The following KIT variants were observed in gnomAD, a reference collection of about 807,000 sequenced individuals.
The protein encoded by KIT is mast/stem cell growth factor receptor Kit.
In KIT, 16 loss-of-function variants were observed where a neutral mutation model predicts 105.7. That is an observed-to-expected ratio of 0.15 (90% CI 0.10 to 0.23). The LOEUF (loss-of-function observed/expected upper bound fraction) is 0.23, where lower values mean the gene tolerates loss of function less well. Ranked by LOEUF, KIT falls within the 10% of genes least tolerant of loss-of-function variation. The pLI is 1.00. For synonymous variants in KIT, 438 were observed against 441.1 expected, an observed-to-expected ratio of 0.99 and a Z score of 0.09; for missense variants, 858 against 1,213.8, an observed-to-expected ratio of 0.71 and a Z score of 4.36.
chr4:54,715,700 C>A (rs557578631), intron 7 of KIT, among the ~76,000 whole-genome samples: 1 of 152,150 alleles, frequency 6.6e-6, no homozygotes, highest in Non-Finnish European at 1.5e-5. Flanking sequence ...GGCCCCACCT[C>A]CAGTATTCAG....
chr4:54,725,839 T>C lies in KIT; in HGVS notation c.1347-18T>C, dbSNP rs2109767762. The stretch of plus-strand genomic sequence containing the variant: ...ATTTTCCTAGAGTAAGCCAGGGCTT[T>C]TGTTTTCTTCCCTTTAGATGCTCTG... On this transcript the variant is annotated intron_variant, in intron 8 of 20. Coordinates refer to ENST00000288135, the MANE Select transcript of KIT (RefSeq NM_000222.3). 1 of 1,612,442 alleles carries C rather than the reference T, an allele frequency of 6.2e-7. No individual in the cohort carries two copies.
chr4:54,727,701 A>G (rs1283992390), intron 11 of KIT, 122 bp from the exon 12 acceptor site: 1 of 1,272,942 alleles, frequency 7.9e-7, no homozygotes, highest in Non-Finnish European at 1.1e-6. Context: ...AGAACATCGT[A>G]GGAAAATGTC....
rs759119367 is a variant in KIT, at chr4:54,703,869, T to C, written c.902T>C (p.Val301Ala). ...YANNTFGSAN[V>A]TTTLEVVDKG... ...AATAATACTTTTGGATCAGCAAATG[T>C]CACAACAACCTTGGAAGTAGTAGGT... is the stretch of plus-strand genomic sequence containing the variant. Residue 301 changes from valine to alanine, a missense_variant, in exon 5 of 21, where the codon GTC (valine) becomes GCC (alanine). By Grantham distance (64) the Val-to-Ala change is moderately conservative (BLOSUM62 0). Around this residue, in one of 7 missense-constraint regions of KIT, gnomAD observed 401 missense variants for 601.0 expected, o/e 0.67. Transcript: ENST00000288135. 1.2e-6 allele frequency: 2 copies of C among 1,613,834 alleles called. No individual in the cohort carries two copies. Among genetic ancestry groups the C allele is most frequent in the Non-Finnish European group, 1.7e-6 (2 of 1,179,726 alleles).
chr4:54,714,156 A>C (rs549694918), intron 7 of KIT, among the ~76,000 whole-genome samples: 38 of 152,228 alleles, frequency 2.5e-4, no homozygotes, highest in Non-Finnish European at 4.6e-4. Flanking sequence ...TTCAGCGAAA[A>C]TGGTGATTTG....
rs749914029 is a variant in KIT, at chr4:54,725,918, G to A, written c.1408G>A (p.Gly470Arg). Residue 470 changes from glycine to arginine, a missense_variant, in exon 9 of 21, where the codon GGA (glycine) becomes AGA (arginine). Physicochemically the swap from Gly to Arg is moderately radical, Grantham distance 125. Coordinates refer to ENST00000288135, the MANE Select transcript of KIT (RefSeq NM_000222.3). ...QTLNSSGPPF[G>R]KLVVQSSIDS... is the part of the protein sequence containing the mutation. ...ACTAAACTCATCTGGGCCACCGTTT[G>A]GAAAGCTAGTGGTTCAGAGTTCTAT... 1.9e-6 allele frequency: 3 copies of A among 1,614,022 alleles called. No individual in the cohort carries two copies. Among genetic ancestry groups the A allele is most frequent in the African/African-American group, 2.7e-5 (2 of 74,912 alleles).
chr4:54,709,041 A>C (rs879552152), intron 6 of KIT, among the ~76,000 whole-genome samples: 1 of 149,146 alleles, frequency 6.7e-6, no homozygotes, highest in Non-Finnish European at 1.5e-5. Flanking sequence ...CATGCAGGGC[A>C]GGTGAGTTCA....
At chr4:54,697,623 G>T (rs1720162097) in intron 2 of KIT, among the ~76,000 whole-genome samples, 1 of 152,142 alleles carries the variant, frequency 6.6e-6, no homozygotes, top group Non-Finnish European at 1.5e-5. Flanking sequence ...AGCTCCCCTT[G>T]TGCATTTGAA....
intron 7 of KIT, among the ~76,000 whole-genome samples, chr4:54,712,281 A>G (rs1416667769): frequency 6.6e-6 from 1 of 152,216 alleles, no homozygotes; most frequent in African/African-American, 2.4e-5. Context: ...TTTAGATTCA[A>G]TAGATATAAC....
rs56372445 is a variant in KIT at position 54,739,777 on chromosome 4, C to T, written c.*1220C>T. 2.9e-3 allele frequency: 668 copies of T among 233,494 alleles called. 6 individuals carry two copies. Among genetic ancestry groups the T allele is most frequent in the African/African-American group, 0.014 (614 of 45,446 alleles). 14.5% of individuals were successfully genotyped at this position (233,494 alleles called of 1,614,324 possible). On this transcript the variant is annotated 3_prime_UTR_variant, in exon 21 of 21. Coordinates refer to ENST00000288135, the MANE Select transcript of KIT (RefSeq NM_000222.3). ...CTTGGCTTTCATTATTAGTACTGCT[C>T]TTGTTTCTTTTCACATAGCTGTCTA... is the stretch of plus-strand genomic sequence containing the variant.
intron 7 of KIT, among the ~76,000 whole-genome samples, chr4:54,711,170 A>G (rs1721138900): frequency 6.6e-6 from 1 of 152,158 alleles, no homozygotes; most frequent in Non-Finnish European, 1.5e-5. Flanking sequence ...AGTGAGCCAC[A>G]ACACTCAACC....
intron 7 of KIT, among the ~76,000 whole-genome samples, chr4:54,714,190 GA>G (rs1382088627): frequency 6.6e-6 from 1 of 152,040 alleles, no homozygotes; most frequent in Non-Finnish European, 1.5e-5. Flanking sequence ...TGAAAATCAG[GA>G]AAAAAGTAGA....
chr4:54,664,976 T>G (rs1294108253), intron 1 of KIT, among the ~76,000 whole-genome samples: 1 of 151,972 alleles, frequency 6.6e-6, no homozygotes, highest in Non-Finnish European at 1.5e-5. Flanking sequence ...TAGTGTTAAG[T>G]ACATTCATAC....
intron 20 of KIT, 92 bp from the exon 21 acceptor site, chr4:54,738,337 A>T (rs2109817037): frequency 6.9e-7 from 1 of 1,452,394 alleles, no homozygotes; most frequent in Non-Finnish European, 9.7e-7. Context: ...AGTTTCCATC[A>T]GTTAGTTGTG....
intron 1 of KIT, among the ~76,000 whole-genome samples, chr4:54,672,134 T>G (rs968430607): frequency 1.4e-4 from 21 of 152,238 alleles, no homozygotes; most frequent in African/African-American, 5.1e-4. Context: ...AATTGGTTGA[T>G]ATGTCCTTTA....
chr4:54,703,688 T>A (rs768605848), intron 4 of KIT, 36 bp from the exon 5 acceptor site: 3 of 1,552,422 alleles, frequency 1.9e-6, no homozygotes, highest in Non-Finnish European at 2.7e-6. Context: ...TATATGGTAA[T>A]CTTCATTTTT....
intron 1 of KIT, among the ~76,000 whole-genome samples, chr4:54,685,166 C>T (rs1378089298): frequency 6.6e-6 from 1 of 152,164 alleles, no homozygotes; most frequent in Non-Finnish European, 1.5e-5. Flanking sequence ...TCCCTGGCCC[C>T]TCTGTTCTTT....
rs1490184109 is a variant in KIT at position 54,658,195 on chromosome 4, C to T, written c.67+114C>T. The stretch of plus-strand genomic sequence containing the variant: ...GAGAGGACTGCGGGCCCTCAGTGCC[C>T]GTGCGTTCCAGCCTCCGGGGAGACT... On this transcript the variant is annotated intron_variant, in intron 1 of 20. Transcript: ENST00000288135. 3.8e-6 allele frequency: 4 copies of T among 1,060,176 alleles called. No individual in the cohort carries two copies. The Admixed American group carries it at 5.6e-5, about 15-fold the overall frequency. 65.7% of individuals were successfully genotyped at this position (1,060,176 alleles called of 1,614,324 possible). A position where few individuals can be genotyped will look rare whatever the true frequency, so the allele number is the denominator to read the frequency against.
intron 1 of KIT, among the ~76,000 whole-genome samples, chr4:54,678,285 G>A (rs538919802): frequency 2.9e-5 from 4 of 138,306 alleles, no homozygotes; most frequent in African/African-American, 1.1e-4. Context: ...TCCATGGCTG[G>A]CTCGCTCCTT....
At chr4:54,662,478 A>G (rs1036422781) in intron 1 of KIT, among the ~76,000 whole-genome samples, 2 of 152,224 alleles carry the variant, frequency 1.3e-5, no homozygotes, top group African/African-American at 4.8e-5. Flanking sequence ...TGTGTTAGCC[A>G]TAATTATCGT....
Sources: allele counts gnomAD v4.1 joint callset (sites outside exome capture counted in the v4.1 genomes callset), GRCh38; gene constraint gnomAD v4.1.1; regional missense constraint gnomAD v4.1.1; transcripts MANE v1.5; gene names NCBI Gene and HGNC (gene_info 2026-07-23, HGNC 2026-07-21).